The following PXK variants were observed in gnomAD, a reference collection of about 807,000 sequenced individuals.
The protein encoded by PXK is PX domain-containing protein kinase-like protein.
PXK carries 35 observed loss-of-function variants against 84.7 expected under a neutral mutation model. That is an observed-to-expected ratio of 0.41 (90% CI 0.32 to 0.55). PXK has a LOEUF of 0.55. Ranked by LOEUF, PXK falls within the 20% of genes least tolerant of loss-of-function variation. The probability of loss-of-function intolerance (pLI) is 0.21; values close to 1 mark genes in which losing one functional copy is unlikely to be tolerated. For missense variants in PXK, 634 were observed against 699.7 expected (o/e 0.91, Z 1.06); for synonymous variants, 253 against 260.8 (o/e 0.97, Z 0.29).
intron 17 of PXK, among the ~76,000 whole-genome samples, chr3:58,423,973 G>A (rs11915190): frequency 0.3 from 45,105 of 152,090 alleles, 7,448 homozygotes; most frequent in Middle Eastern, 0.39. Flanking sequence ...TTCTCCTGAT[G>A]CTTCGTCAAA....
chr3:58,366,027 C>A, intron 2 of PXK, 103 bp downstream of exon 2: 1 of 916,162 alleles, frequency 1.1e-6, no homozygotes, highest in Non-Finnish European at 1.6e-6. Context: ...TCAGAACATG[C>A]ATAAATATAA....
At chr3:58,373,036 AC>A (rs2098399263) in intron 3 of PXK, among the ~76,000 whole-genome samples, 1 of 150,646 alleles carries the variant, frequency 6.6e-6, no homozygotes, top group Non-Finnish European at 1.5e-5. Flanking sequence ...TTGAGAAGGA[AC>A]CCAGGCCCTG....
At chr3:58,366,158 AT>A (rs2098268958) in intron 2 of PXK, among the ~76,000 whole-genome samples, 2 of 152,102 alleles carry the variant, frequency 1.3e-5, no homozygotes, top group Non-Finnish European at 2.9e-5. Flanking sequence ...GTATCTAGGA[AT>A]TTGTTCCCCA....
rs756739480 is a variant in PXK, at chr3:58,397,734, G to A, written c.1102+12G>A. On this transcript the variant is annotated intron_variant, in intron 11 of 17. Coordinates refer to ENST00000356151, the MANE Select transcript of PXK (RefSeq NM_017771.5). This position sits in a 1 kb window ranked among gnomAD's most constrained non-coding sequence, Gnocchi z 4.7. The stretch of plus-strand genomic sequence containing the variant: ...GTCCATGGCTGTGGGTCAGTATGGG[G>A]TTGGGAAGGGTCTTCTGGGCCCTAG... 6.3e-7 allele frequency: 1 copy of A among 1,593,424 alleles called. No homozygotes were observed. Among genetic ancestry groups the A allele is most frequent in the Non-Finnish European group, 8.6e-7 (1 of 1,161,388 alleles).
chr3:58,391,239 T>G lies in PXK; in HGVS notation c.540+19T>G, dbSNP rs987243694. The G allele has an allele frequency of 6.2e-7, 1 of 1,600,834 alleles. No homozygotes were observed. The highest frequency in any genetic ancestry group is 1.3e-5 in the African/African-American group (1 of 74,620). On this transcript the variant is annotated intron_variant, in intron 6 of 17. Transcript: ENST00000356151. ...AAGCTGGGTAAGCTAGCTTTTTGCT[T>G]TGGTCTCCTTCAGTGACTTTAGATG...
rs144434025 is a variant in PXK at position 58,361,881 on chromosome 3, G to A, written c.103-3993G>A. Among the ~76,000 whole-genome samples, 435 of 152,302 alleles carry A rather than the reference G, an allele frequency of 2.9e-3. 1 individual carries two copies. The highest frequency in any genetic ancestry group is 0.01 in the African/African-American group (422 of 41,560). ...TGTCTAGGAATACAGTTGCTGGGTT[G>A]TATGGTAGTTGCATATATAGTTTTT... On this transcript the variant is annotated intron_variant, in intron 1 of 17. Transcript: ENST00000356151.
chr3:58,365,948 T>TTG (rs1559939326), intron 2 of PXK, 24 bp downstream of exon 2: 2 of 1,542,408 alleles, frequency 1.3e-6, no homozygotes, highest in East Asian at 4.6e-5. Context: ...TTTTTTTTTT[T>TTG]GTCAATTAGA....
intron 1 of PXK, among the ~76,000 whole-genome samples, chr3:58,334,947 G>GTGTGTGTC (rs1379145238): frequency 8.0e-4 from 103 of 128,464 alleles, no homozygotes; most frequent in African/African-American, 3.4e-3. Context: ...GTGTGTGTGT[G>GTGTGTGTC]TGTGTGTGTG....
At chr3:58,350,783 T>G (rs2097907358) in intron 1 of PXK, among the ~76,000 whole-genome samples, 1 of 152,202 alleles carries the variant, frequency 6.6e-6, no homozygotes. Context: ...TCTCTGAAGA[T>G]ATGTGTCTGC....
chr3:58,421,236 T>A lies in PXK; in HGVS notation c.1529-3516T>A. On this transcript the variant is annotated intron_variant, in intron 17 of 17. Transcript: ENST00000356151. The surrounding 1 kb of genome is among the most constrained non-coding windows in gnomAD (Gnocchi z 5.5). ...ATGTGACCACAAAGGAGCTCAGAAT[T>A]AGAGAGACTGTAGATTACCCACTGC... 1 of 985,288 alleles carries A rather than the reference T, an allele frequency of 1.0e-6. No homozygotes were observed. The highest frequency in any genetic ancestry group is 1.2e-6 in the Non-Finnish European group (1 of 829,916). The allele number at this position is 985,288 out of a possible 1,614,324, so 61.0% of individuals were successfully genotyped here. A position where few individuals can be genotyped will look rare whatever the true frequency, so the allele number is the denominator to read the frequency against.
In PXK at chr3:58,343,405, C is replaced by T. The variant is rs561562589; in HGVS notation, c.102+10315C>T. On this transcript the variant is annotated intron_variant, in intron 1 of 17. Coordinates refer to ENST00000356151, the MANE Select transcript of PXK (RefSeq NM_017771.5). ...CACTGCCATGCTGTAGGCATCTATG[C>T]ATGTGACCATGTAGCCCACCATATT... Among the ~76,000 whole-genome samples, 3 of 152,362 alleles carry T rather than the reference C, an allele frequency of 2.0e-5. No homozygotes were observed. In the East Asian group the frequency reaches 5.8e-4, roughly 29 times the overall value.
intron 4 of PXK, among the ~76,000 whole-genome samples, chr3:58,388,000 A>G (rs1215845619): frequency 1.3e-5 from 2 of 152,102 alleles, no homozygotes; most frequent in African/African-American, 4.8e-5. Flanking sequence ...TTGGTTGAAC[A>G]CTCGGTTTAT....
At chr3:58,361,863 G>A (rs940329465) in intron 1 of PXK, among the ~76,000 whole-genome samples, 1 of 152,152 alleles carries the variant, frequency 6.6e-6, no homozygotes, top group Non-Finnish European at 1.5e-5. Flanking sequence ...AAATGTCTAG[G>A]AATACAGTTG....
At chr3:58,355,524 G>A (rs183604283) in intron 1 of PXK, among the ~76,000 whole-genome samples, 1 of 152,226 alleles carries the variant, frequency 6.6e-6, no homozygotes, top group Admixed American at 6.5e-5. Flanking sequence ...GGCCAGAAAG[G>A]TTCAAAATAC....
In PXK at chr3:58,411,292, A is replaced by T. The variant is rs545556128; in HGVS notation, c.1465+1133A>T. Among the ~76,000 whole-genome samples, 5 of 152,322 alleles carry T rather than the reference A, an allele frequency of 3.3e-5. No individual in the cohort carries two copies. The highest frequency in any genetic ancestry group is 1.3e-4 in the Admixed American group (2 of 15,300). ...GCTGGAGATTGGCAGCCCTGAATAG[A>T]GAAAGCCCATAAACTCCAGAAGGAG... On this transcript the variant is annotated intron_variant, in intron 16 of 17. Coordinates refer to ENST00000356151, the MANE Select transcript of PXK (RefSeq NM_017771.5). This position sits in a 1 kb window ranked among gnomAD's most constrained non-coding sequence, Gnocchi z 4.2.
At chr3:58,342,647 A>AAAAAG (rs1553743387) in intron 1 of PXK, among the ~76,000 whole-genome samples, 4,432 of 138,258 alleles carry the variant, frequency 0.032, 211 homozygotes, top group African/African-American at 0.097. Flanking sequence ...AAAAAAAAAA[A>AAAAAG]AAAAGAAAAG....
rs1368711886 is a variant in PXK, at chr3:58,332,909, T to C, written c.-80T>C. 1.3e-5 allele frequency: 12 copies of C among 923,540 alleles called. No homozygotes were observed. Among genetic ancestry groups the C allele is most frequent in the Non-Finnish European group, 7.0e-6 (5 of 717,818 alleles). The allele number at this position is 923,540 out of a possible 1,614,324, so 57.2% of individuals were successfully genotyped here. A position where few individuals can be genotyped will look rare whatever the true frequency, so the allele number is the denominator to read the frequency against. On this transcript the variant is annotated 5_prime_UTR_variant, in exon 1 of 18. Coordinates refer to ENST00000356151, the MANE Select transcript of PXK (RefSeq NM_017771.5). The surrounding 1 kb of genome is among the most constrained non-coding windows in gnomAD (Gnocchi z 5.6). ...CGGCGCGTGTTGACAGCGGCGGCGG[T>C]GGAACCGGGCGGGCGGCGGGAGTCG...
At chr3:58,404,521 A>G (rs59643048) in intron 13 of PXK, among the ~76,000 whole-genome samples, 45,072 of 152,116 alleles carry the variant, frequency 0.3, 7,446 homozygotes, top group Middle Eastern at 0.39. Context: ...CCTGGGGGGT[A>G]GTGTACAAAA....
chr3:58,424,038 G>A (rs961428300), intron 17 of PXK, among the ~76,000 whole-genome samples: 6 of 152,184 alleles, frequency 3.9e-5, no homozygotes, highest in African/African-American at 1.4e-4. Flanking sequence ...GGAGAGAACA[G>A]TACTTGAGAA....
Sources: allele counts gnomAD v4.1 joint callset (sites outside exome capture counted in the v4.1 genomes callset), GRCh38; gene constraint gnomAD v4.1.1; non-coding constraint Gnocchi (gnomAD v3.1); transcripts MANE v1.5; gene names NCBI Gene and HGNC (gene_info 2026-07-23, HGNC 2026-07-21).